The following ARNT variants were observed in gnomAD, a reference collection of about 807,000 sequenced individuals.
ARNT encodes class E basic helix-loop-helix protein 2.
A neutral mutation model predicts 105.0 loss-of-function variants in ARNT; 30 were observed. The ratio of observed to expected loss-of-function variants is 0.29; its 90% CI spans 0.21 to 0.39. ARNT has a LOEUF of 0.39. ARNT is among the 10% of genes least tolerant of loss of function. The pLI, the probability that ARNT is intolerant of heterozygous loss-of-function variation, is 1.00. For missense variants in ARNT, 748 were observed against 978.7 expected, an observed-to-expected ratio of 0.76 and a Z score of 3.15; for synonymous variants, 304 against 344.0, an observed-to-expected ratio of 0.88 and a Z score of 1.29.
At chr1:150,846,432 A>T in intron 3 of ARNT, 125 bp from the exon 4 acceptor site, 1 of 881,770 alleles carries the variant, frequency 1.1e-6, no homozygotes, top group Non-Finnish European at 1.8e-6. Flanking sequence ...AGCATCACAA[A>T]GTGATAGAAA....
rs778303455 is a variant in ARNT at position 150,823,348 on chromosome 1, G to A, written c.1243-3C>T. The A allele has an allele frequency of 1.3e-6, 2 of 1,586,096 alleles. No homozygotes were observed. The highest frequency in any genetic ancestry group is 1.7e-6 in the Non-Finnish European group (2 of 1,163,900). ...ACTTGGCCTTTTAATTTCACTACCT[G>A]AAAAAGTTTTCATGCCATCAGTGGA... On this transcript the variant is annotated splice_polypyrimidine_tract_variant and splice_region_variant and intron_variant, in intron 13 of 21. Coordinates refer to ENST00000358595, the MANE Select transcript of ARNT (RefSeq NM_001668.4).
intron 12 of ARNT, among the ~76,000 whole-genome samples, chr1:150,827,243 A>G (rs1658478219): frequency 6.6e-6 from 1 of 152,154 alleles, no homozygotes; most frequent in Non-Finnish European, 1.5e-5. Flanking sequence ...TGTCTACTAA[A>G]TTTATAGTTG....
chr1:150,839,318 T>C (rs2256355), intron 6 of ARNT, 123 bp downstream of exon 6: 350,564 of 882,142 alleles, frequency 0.4, 71,383 homozygotes, highest in South Asian at 0.54. Context: ...TAGCCAAGGA[T>C]TGAAATTCGT....
At chr1:150,848,926 G>A (rs923460968) in intron 3 of ARNT, among the ~76,000 whole-genome samples, 2 of 152,144 alleles carry the variant, frequency 1.3e-5, no homozygotes, top group African/African-American at 4.8e-5. Context: ...GAAATGGGCC[G>A]GGTGTGGTGG....
intron 12 of ARNT, among the ~76,000 whole-genome samples, chr1:150,828,339 GTTTT>G (rs1047268874): frequency 3.3e-5 from 3 of 90,248 alleles, no homozygotes; most frequent in Non-Finnish European, 6.5e-5. Context: ...TTTGGGTGTG[GTTTT>G]TTTTTTGTTT....
intron 3 of ARNT, among the ~76,000 whole-genome samples, chr1:150,851,868 A>T (rs1663652042): frequency 6.6e-6 from 1 of 151,954 alleles, no homozygotes; most frequent in South Asian, 2.1e-4. Context: ...AAAGAAAATT[A>T]ATAAAAAATA....
At chr1:150,860,373 G>A (rs1238568628) in intron 1 of ARNT, among the ~76,000 whole-genome samples, 6 of 151,030 alleles carry the variant, frequency 4.0e-5, no homozygotes, top group Admixed American at 2.0e-4. Flanking sequence ...GCACCACCAC[G>A]CCTGGCTAAT....
chr1:150,874,018 T>TAAAAA (rs58707975), intron 1 of ARNT, among the ~76,000 whole-genome samples: 69 of 64,410 alleles, frequency 1.1e-3, no homozygotes, highest in South Asian at 2.5e-3. Context: ...ACAAGAATTG[T>TAAAAA]AAAAAAAAAA....
intron 3 of ARNT, among the ~76,000 whole-genome samples, chr1:150,849,614 T>C (rs1450489583): frequency 2.0e-5 from 3 of 152,068 alleles, no homozygotes; most frequent in African/African-American, 7.2e-5. Flanking sequence ...CATTTTAAAA[T>C]TAGCCAGGTA....
rs766771969 is a variant in ARNT at position 150,876,597 on chromosome 1, C to A, written c.-30G>T. On this transcript the variant is annotated 5_prime_UTR_variant, in exon 1 of 22. Transcript: ENST00000358595. ...GCAGATGCCACCGCCGCCGCGCCAC[C>A]CCCCCCCCCAGTGGGAGGAGCCGCC... The A allele has an allele frequency of 1.2e-4, 21 of 180,026 alleles. No individual in the cohort carries two copies. In the Admixed American group the frequency reaches 5.5e-3, roughly 47 times the overall value. The allele number at this position is 180,026 out of a possible 1,614,324, so 11.2% of individuals were successfully genotyped here. A position where few individuals can be genotyped will look rare whatever the true frequency, so the allele number is the denominator to read the frequency against.
intron 2 of ARNT, among the ~76,000 whole-genome samples, chr1:150,856,992 T>A (rs186485299): frequency 1.3e-4 from 20 of 151,118 alleles, no homozygotes; most frequent in African/African-American, 4.9e-4. Context: ...CTTCCTTTAA[T>A]ATATTTTTCT....
At chr1:150,847,898 A>G (rs980829560) in intron 3 of ARNT, among the ~76,000 whole-genome samples, 2 of 152,200 alleles carry the variant, frequency 1.3e-5, no homozygotes, top group Non-Finnish European at 2.9e-5. Context: ...GTTGTTTTCA[A>G]GAGTATTTGG....
chr1:150,825,709 C>A (rs587708029), intron 13 of ARNT, among the ~76,000 whole-genome samples: 2 of 151,838 alleles, frequency 1.3e-5, no homozygotes, highest in Admixed American at 1.3e-4. Context: ...ATTAGCTGGG[C>A]GTGGCAGCAT....
At chr1:150,873,573 A>G (rs961234076) in intron 1 of ARNT, among the ~76,000 whole-genome samples, 1 of 152,134 alleles carries the variant, frequency 6.6e-6, no homozygotes, top group Non-Finnish European at 1.5e-5. Context: ...CCCTTGAAAA[A>G]CACTGCAGGG....
At chr1:150,865,984 T>TTTTC (rs1666509980) in intron 1 of ARNT, among the ~76,000 whole-genome samples, 1 of 148,264 alleles carries the variant, frequency 6.7e-6, no homozygotes, top group Non-Finnish European at 1.5e-5. Context: ...ACTCCAAAGT[T>TTTTC]TTTTTTTTTT....
rs147957446 is a variant in ARNT, at chr1:150,852,798, A to C, written c.146T>G (p.Phe49Cys). 6.2e-6 allele frequency: 10 copies of C among 1,613,966 alleles called. No individual in the cohort carries two copies. In the African/African-American group the frequency reaches 1.3e-4, roughly 22 times the overall value. ...ACTGTTCCCTTCTCCATCATCATCA[A>C]AATCCAGCCTGAGGAAAGCCAACAA... ...RAIKRRPGLD[F>C]DDDGEGNSKF... Residue 49 changes from phenylalanine (F) to cysteine (C), a missense_variant, in exon 3 of 22, where the codon TTT (phenylalanine) becomes TGT (cysteine). Phe to Cys is a radical substitution (Grantham distance 205, BLOSUM62 -2). Around this residue, in one of 4 missense-constraint regions of ARNT, gnomAD observed 93 missense variants for 101.6 expected, o/e 0.92. Coordinates refer to ENST00000358595, the MANE Select transcript of ARNT (RefSeq NM_001668.4).
chr1:150,866,848 T>C (rs587718166), intron 1 of ARNT, among the ~76,000 whole-genome samples: 18 of 152,154 alleles, frequency 1.2e-4, no homozygotes, highest in African/African-American at 3.6e-4. Flanking sequence ...TACAGAAAGG[T>C]AGGAAGAACA....
At chr1:150,855,926 T>C (rs1159409857) in intron 2 of ARNT, among the ~76,000 whole-genome samples, 1 of 151,492 alleles carries the variant, frequency 6.6e-6, no homozygotes, top group Non-Finnish European at 1.5e-5. Context: ...TGTGTGTGTA[T>C]TGCTTATTAT....
chr1:150,833,819 T>C (rs587736923), intron 8 of ARNT, among the ~76,000 whole-genome samples: 2 of 152,072 alleles, frequency 1.3e-5, no homozygotes, highest in East Asian at 3.9e-4. Context: ...TAAATGGATA[T>C]TGCCTTGTGT....
Sources: gnomAD v4.1 joint callset for allele counts (sites outside exome capture counted in the v4.1 genomes callset) on GRCh38, gnomAD v4.1.1 for gene constraint, gnomAD v4.1.1 regional missense constraint, MANE v1.5 for transcripts, NCBI Gene and HGNC (gene_info 2026-07-23, HGNC 2026-07-21) for gene names.